Variants in ACBD6 observed in about 807,000 individuals in gnomAD.
ACBD6 encodes the protein acyl-CoA binding domain containing 6, also known as acyl-CoA-binding domain-containing protein 6.
Under a neutral mutation model 37.2 loss-of-function variants are expected in ACBD6, and 28 were observed. That is an observed-to-expected ratio of 0.75 (90% confidence interval 0.56 to 1.03). ACBD6 has a LOEUF of 1.03. ACBD6 is among the 50% of genes least tolerant of loss of function. ACBD6 has a pLI of 0.00. For synonymous variants in ACBD6, 113 were observed against 126.8 expected (o/e 0.89, Z 0.73); for missense variants, 340 against 337.4 (o/e 1.01, Z -0.06).
intron 3 of ACBD6, among the ~76,000 whole-genome samples, chr1:180,488,533 A>T (rs1370256407): frequency 6.6e-6 from 1 of 151,982 alleles, no homozygotes; most frequent in East Asian, 1.9e-4. Flanking sequence ...AGGGCTCTGG[A>T]CTCATATAAA....
chr1:180,400,347 A>G (rs1171213700), intron 5 of ACBD6, among the ~76,000 whole-genome samples: 3 of 152,288 alleles, frequency 2.0e-5, no homozygotes, highest in Middle Eastern at 3.4e-3. Context: ...TTTTTAACAC[A>G]TTTTCTGACC....
At chr1:180,288,109 T>G, downstream of ACBD6, 3 of 454,320 alleles carry the variant, frequency 6.6e-6, no homozygotes, top group South Asian at 6.9e-5. Context: ...TCTAAAGCAG[T>G]GATAAATTTC....
chr1:180,377,552 C>T (rs1381402220), intron 6 of ACBD6, among the ~76,000 whole-genome samples: 1 of 152,106 alleles, frequency 6.6e-6, no homozygotes, highest in Non-Finnish European at 1.5e-5. Context: ...TAGAGGGTTC[C>T]AATTAGTAAA....
chr1:180,484,529 G>A (rs774330547), intron 3 of ACBD6, among the ~76,000 whole-genome samples: 1 of 152,090 alleles, frequency 6.6e-6, no homozygotes, highest in Non-Finnish European at 1.5e-5. Flanking sequence ...TATGAAAGAG[G>A]GAAGGCTATC....
intron 3 of ACBD6, among the ~76,000 whole-genome samples, chr1:180,491,774 G>A (rs1258490656): frequency 6.6e-6 from 1 of 152,064 alleles, no homozygotes; most frequent in Admixed American, 6.6e-5. Context: ...CTCAGCATCA[G>A]TAGCTGGTTA....
At chr1:180,312,269 T>C (rs1447261003) in intron 7 of ACBD6, among the ~76,000 whole-genome samples, 1 of 152,214 alleles carries the variant, frequency 6.6e-6, no homozygotes, top group African/African-American at 2.4e-5. Flanking sequence ...ATTCTATTTT[T>C]TTCTATGAAG....
intron 6 of ACBD6, among the ~76,000 whole-genome samples, chr1:180,390,406 C>A (rs1024790473): frequency 4.0e-5 from 6 of 150,936 alleles, no homozygotes; most frequent in African/African-American, 1.5e-4. Context: ...GTTACTGTAG[C>A]CTTGTAGTAT....
intron 7 of ACBD6, among the ~76,000 whole-genome samples, chr1:180,311,489 G>A (rs1280222300): frequency 6.6e-6 from 1 of 152,042 alleles, no homozygotes; most frequent in Non-Finnish European, 1.5e-5. Flanking sequence ...CCAAGCTGGA[G>A]TGCAGTGGCA....
At position 180,295,912 on chromosome 1, in the gene ACBD6, AAG is replaced by A. The variant is rs1324204161; in HGVS notation, c.695-7397_695-7396del. Among the ~76,000 whole-genome samples the A allele has an allele frequency of 2.6e-5, 4 of 152,314 alleles. No individual in the cohort carries two copies. In the East Asian group the frequency reaches 7.7e-4, roughly 29 times the overall value. On this transcript the variant is annotated intron_variant, in intron 7 of 7. Transcript: ENST00000367595. ...CCAATCCTTTTACTCAAGTAAAAGG[AAG>A]AGTCACACATCTCTTATTTTCAATC...
intron 6 of ACBD6, among the ~76,000 whole-genome samples, chr1:180,350,023 C>CTTTT (rs371542775): frequency 5.2e-4 from 34 of 65,542 alleles, no homozygotes; most frequent in African/African-American, 1.3e-3. Context: ...TCCAGTGACC[C>CTTTT]TTTTTTTTTT....
chr1:180,413,621 G>A, intron 4 of ACBD6, 150 bp from the exon 5 acceptor site: 1 of 626,526 alleles, frequency 1.6e-6, no homozygotes, highest in Non-Finnish European at 2.8e-6. Context: ...TTCAGTAGCT[G>A]TAATATATCC....
At chr1:180,356,348 T>A (rs1183171465) in intron 6 of ACBD6, among the ~76,000 whole-genome samples, 1 of 151,938 alleles carries the variant, frequency 6.6e-6, no homozygotes, top group Non-Finnish European at 1.5e-5. Context: ...TTTTTTGTAC[T>A]TTTTGTAGAG....
chr1:180,355,823 C>G (rs1019823668), intron 6 of ACBD6, among the ~76,000 whole-genome samples: 5 of 152,114 alleles, frequency 3.3e-5, no homozygotes, highest in Non-Finnish European at 7.4e-5. Context: ...ACAAGAATTT[C>G]TAACTACAGA....
At chr1:180,425,439 T>C (rs556637623) in intron 4 of ACBD6, among the ~76,000 whole-genome samples, 2 of 152,304 alleles carry the variant, frequency 1.3e-5, no homozygotes, top group South Asian at 2.1e-4. Context: ...ATGTTGATCA[T>C]AGGCAACATG....
At chr1:180,274,087 G>C in exon 11 of ACBD6, 1 of 1,479,826 alleles carries the variant, frequency 6.8e-7, no homozygotes, top group Non-Finnish European at 9.4e-7. Flanking sequence ...GCCATCCTTG[G>C]GCATCTTTCC....
chr1:180,374,186 A>G (rs1030079317), intron 6 of ACBD6, among the ~76,000 whole-genome samples: 4 of 152,198 alleles, frequency 2.6e-5, no homozygotes, highest in Non-Finnish European at 5.9e-5. Flanking sequence ...CATGAAAGTG[A>G]TTCCCATAAT....
chr1:180,373,221 TTTC>T (rs1304278029), intron 6 of ACBD6, among the ~76,000 whole-genome samples: 2 of 152,234 alleles, frequency 1.3e-5, no homozygotes, highest in African/African-American at 4.8e-5. Flanking sequence ...TTATTTTTTA[TTTC>T]TTTTCATTCA....
At chr1:180,377,240 C>T (rs927149605) in intron 6 of ACBD6, among the ~76,000 whole-genome samples, 23 of 152,086 alleles carry the variant, frequency 1.5e-4, no homozygotes, top group Admixed American at 1.3e-3. Flanking sequence ...TGTAAACACA[C>T]GATATTCTAT....
chr1:180,478,438 T>C (rs570992614), intron 3 of ACBD6, among the ~76,000 whole-genome samples: 2 of 152,128 alleles, frequency 1.3e-5, no homozygotes, highest in Non-Finnish European at 2.9e-5. Context: ...ACAAGGAATT[T>C]TGGACTTTCT....
Sources: gnomAD v4.1 joint callset for allele counts (sites outside exome capture counted in the v4.1 genomes callset) on GRCh38, gnomAD v4.1.1 for gene constraint, MANE v1.5 for transcripts, NCBI Gene and HGNC (gene_info 2026-07-23, HGNC 2026-07-21) for gene names.